The following COL4A1 variants were observed in gnomAD, a reference collection of about 807,000 sequenced individuals.
The protein encoded by COL4A1 is collagen type IV alpha 1 chain, also known as collagen alpha-1(IV) chain.
A neutral mutation model predicts 216.6 loss-of-function variants in COL4A1; 40 were observed. That is an observed-to-expected ratio of 0.18 (90% CI 0.14 to 0.24). The LOEUF (loss-of-function observed/expected upper bound fraction) is 0.24. Among genes scored for constraint, COL4A1 ranks in the 10% least tolerant of loss-of-function variants. COL4A1 has a pLI of 1.00. For missense variants in COL4A1, 1,628 were observed against 2,196.8 expected (o/e 0.74, Z 5.18); for synonymous variants, 839 against 810.7 (o/e 1.03, Z -0.59).
chr13:110,183,311 G>C, intron 26 of COL4A1, 35 bp from the exon 27 acceptor site: 1 of 1,591,746 alleles, frequency 6.3e-7, no homozygotes. Flanking sequence ...AAACGATGAA[G>C]GAATGAGGAC....
intron 47 of COL4A1, 34 bp from the exon 48 acceptor site, chr13:110,162,476 T>C (rs1275908854): frequency 6.9e-7 from 1 of 1,452,242 alleles, no homozygotes; most frequent in Admixed American, 1.7e-5. Flanking sequence ...TTTCCCTAAT[T>C]ACAAACACGC....
rs75505761 is a variant in COL4A1 at position 110,202,909 on chromosome 13, G to A, written c.999+657C>T. Among the ~76,000 whole-genome samples, 1,419 of 152,156 alleles carry A rather than the reference G, an allele frequency of 9.3e-3. 24 individuals carry two copies. Among genetic ancestry groups the A allele is most frequent in the African/African-American group, 0.033 (1,358 of 41,496 alleles). On this transcript the variant is annotated intron_variant, in intron 18 of 51. Coordinates refer to ENST00000375820, the MANE Select transcript of COL4A1 (RefSeq NM_001845.6). ...ACAAAAATTTTCCTCAATGGACCAC[G>A]TTTTTTTAAAAAAGGTGTCAAGGCC...
chr13:110,176,835 A>G (rs1271594309), intron 34 of COL4A1, 50 bp downstream of exon 34: 2 of 1,614,098 alleles, frequency 1.2e-6, no homozygotes, highest in South Asian at 2.2e-5. Context: ...TAACCCAGGA[A>G]AGGCACATTG....
intron 1 of COL4A1, among the ~76,000 whole-genome samples, chr13:110,261,263 C>G (rs1404523809): frequency 6.6e-6 from 1 of 152,162 alleles, no homozygotes; most frequent in African/African-American, 2.4e-5. Flanking sequence ...GCCCCCCGAC[C>G]CATCACAACT....
intron 33 of COL4A1, 81 bp downstream of exon 33, chr13:110,177,761 A>C: frequency 1.2e-5 from 17 of 1,439,842 alleles, no homozygotes; most frequent in Non-Finnish European, 1.7e-5. Flanking sequence ...GGGAAATATG[A>C]TCTATGACAA....
intron 2 of COL4A1, 58 bp from the exon 3 acceptor site, chr13:110,214,073 T>C (rs555626703): frequency 1.4e-4 from 204 of 1,406,928 alleles, no homozygotes; most frequent in South Asian, 7.1e-4. Flanking sequence ...GAGGAAGGAA[T>C]TGGTGACCAA....
At chr13:110,212,677 C>T in intron 4 of COL4A1, 59 bp from the exon 5 acceptor site, 5 of 1,586,260 alleles carry the variant, frequency 3.2e-6, no homozygotes, top group Non-Finnish European at 4.3e-6. Context: ...ACTTCCTCCT[C>T]CTGCATCTCC....
chr13:110,193,192 G>A (rs992865146), intron 22 of COL4A1, among the ~76,000 whole-genome samples: 5 of 152,220 alleles, frequency 3.3e-5, no homozygotes, highest in African/African-American at 4.8e-5. Flanking sequence ...TTCTCCCAGC[G>A]AAAAGACAGG....
chr13:110,172,826 G>T (rs773348176), intron 40 of COL4A1, 56 bp from the exon 41 acceptor site: 3 of 1,430,868 alleles, frequency 2.1e-6, no homozygotes, highest in Admixed American at 3.3e-5. Context: ...TCCATCTGCA[G>T]GTACAACACA....
intron 1 of COL4A1, among the ~76,000 whole-genome samples, chr13:110,294,739 C>T (rs1309910004): frequency 6.6e-6 from 1 of 152,164 alleles, no homozygotes; most frequent in African/African-American, 2.4e-5. Flanking sequence ...AGAGGGATAT[C>T]CTTTTAAATA....
rs144403132 is a variant in COL4A1, at chr13:110,169,757, G to T, written c.3748C>A (p.Pro1250Thr). ...PQGQPGLPGLPGPMGPPGLPG... is the reference protein window; with the variant it reads ...PQGQPGLPGLTGPMGPPGLPG... ...AGCCCTGGAGGCCCCATGGGTCCCGGAAGTCCTAATGGAAGAGAAGAAAGC... is the reference window on the plus strand; with the variant it reads ...AGCCCTGGAGGCCCCATGGGTCCCGTAAGTCCTAATGGAAGAGAAGAAAGC... Residue 1250 changes from proline to threonine, a missense_variant, in exon 43 of 52, where the codon CCG becomes ACG. Physicochemically the swap from Pro to Thr is conservative, Grantham distance 38. Transcript: ENST00000375820. 4 of 1,613,964 alleles carry T rather than the reference G, an allele frequency of 2.5e-6. No individual in the cohort carries two copies. The highest frequency in any genetic ancestry group is 3.4e-6 in the Non-Finnish European group (4 of 1,180,004).
chr13:110,199,142 G>GT (rs1178676136), intron 20 of COL4A1, among the ~76,000 whole-genome samples: 6 of 152,326 alleles, frequency 3.9e-5, no homozygotes, highest in East Asian at 3.9e-4. Context: ...TTCAGCCACT[G>GT]TAACTCTGTA....
intron 1 of COL4A1, among the ~76,000 whole-genome samples, chr13:110,266,303 G>A (rs1047434920): frequency 2.0e-5 from 3 of 152,208 alleles, no homozygotes; most frequent in Admixed American, 2.0e-4. Flanking sequence ...AAGGGGAACT[G>A]GCAAGCCACC....
At chr13:110,218,965 A>G (rs3783101) in intron 2 of COL4A1, among the ~76,000 whole-genome samples, 12,172 of 152,292 alleles carry the variant, frequency 0.08, 641 homozygotes, top group East Asian at 0.28. Flanking sequence ...TCTTTCCGAA[A>G]TTCCACAAGG....
rs9521642 is a variant in COL4A1, at chr13:110,192,713, G to A, written c.1465+117C>T. 0.24 allele frequency: 188,688 copies of A among 774,036 alleles called. 25,443 individuals carry two copies. The highest frequency in any genetic ancestry group is 0.32 in the Admixed American group (13,281 of 41,490). The allele number at this position is 774,036 out of a possible 1,614,324, so 47.9% of individuals were successfully genotyped here. A position where few individuals can be genotyped will look rare whatever the true frequency, so the allele number is the denominator to read the frequency against. On this transcript the variant is annotated intron_variant, in intron 23 of 51. Transcript: ENST00000375820. ...TGGGGCCCAACATTCTTCTGATTATGCTTTAGGATTGGCTGCCGAAAATCA... is the reference window on the plus strand; with the variant it reads ...TGGGGCCCAACATTCTTCTGATTATACTTTAGGATTGGCTGCCGAAAATCA...
chr13:110,294,096 G>A (rs1394847945), intron 1 of COL4A1, among the ~76,000 whole-genome samples: 1 of 152,080 alleles, frequency 6.6e-6, no homozygotes, highest in African/African-American at 2.4e-5. Context: ...TGAGCTGGAG[G>A]AGACGAGCCC....
At chr13:110,210,872 A>G (rs34757830) in intron 8 of COL4A1, among the ~76,000 whole-genome samples, 1,823 of 151,178 alleles carry the variant, frequency 0.012, 17 homozygotes, top group Non-Finnish European at 0.019. Context: ...CAAGACTACA[A>G]CTCCACCCCT....
chr13:110,219,815 T>A (rs1303658828), intron 2 of COL4A1, among the ~76,000 whole-genome samples: 1 of 139,768 alleles, frequency 7.2e-6, no homozygotes, highest in East Asian at 2.0e-4. Flanking sequence ...TATGTGTATA[T>A]ATGTATATAT....
chr13:110,302,207 G>A (rs935054375), intron 1 of COL4A1, among the ~76,000 whole-genome samples: 2 of 152,180 alleles, frequency 1.3e-5, no homozygotes, highest in African/African-American at 4.8e-5. Context: ...CATAGTCTCT[G>A]GGCTCTGTAC....
Sources: gnomAD v4.1 joint callset for allele counts (sites outside exome capture counted in the v4.1 genomes callset) on GRCh38, gnomAD v4.1.1 for gene constraint, MANE v1.5 for transcripts, NCBI Gene and HGNC (gene_info 2026-07-23, HGNC 2026-07-21) for gene names.